Variants in FCHSD2 observed in about 807,000 individuals in gnomAD.
FCHSD2 encodes F-BAR and double SH3 domains protein 2.
In FCHSD2, 38 loss-of-function variants were observed where a neutral mutation model predicts 108.1. The observed-to-expected ratio is 0.35, with a 90% CI of 0.27 to 0.46. The LOEUF is 0.46. FCHSD2 is among the 20% of genes least tolerant of loss of function. FCHSD2 has a pLI of 1.00. For missense variants in FCHSD2, 751 were observed against 897.8 expected (o/e 0.84, Z 2.09); for synonymous variants, 279 against 314.7 (o/e 0.89, Z 1.20).
chr11:73,032,589 A>G (rs1858387808), intron 3 of FCHSD2, among the ~76,000 whole-genome samples: 1 of 152,036 alleles, frequency 6.6e-6, no homozygotes, highest in Non-Finnish European at 1.5e-5. Flanking sequence ...CTAACTGAAA[A>G]AAAAAAAGCA....
chr11:73,071,998 T>C (rs1859448536), intron 3 of FCHSD2, among the ~76,000 whole-genome samples: 1 of 152,006 alleles, frequency 6.6e-6, no homozygotes, highest in South Asian at 2.1e-4. Flanking sequence ...AAAATCTTAT[T>C]TTTTGATCAG....
intron 12 of FCHSD2, among the ~76,000 whole-genome samples, chr11:72,878,077 G>C (rs1265811796): frequency 6.6e-6 from 1 of 151,826 alleles, no homozygotes; most frequent in Non-Finnish European, 1.5e-5. Context: ...AAGGCAAAAA[G>C]AACATAAATA....
intron 5 of FCHSD2, among the ~76,000 whole-genome samples, chr11:72,994,478 G>T (rs1857483803): frequency 3.9e-5 from 6 of 152,116 alleles, no homozygotes; most frequent in Admixed American, 3.9e-4. Context: ...AATTTACTCT[G>T]AGTCACACGG....
At chr11:72,864,412 G>C (rs1232368224) in intron 13 of FCHSD2, among the ~76,000 whole-genome samples, 3 of 152,052 alleles carry the variant, frequency 2.0e-5, no homozygotes, top group African/African-American at 7.2e-5. Context: ...GGGCATGGGG[G>C]CATGAGCCTG....
chr11:73,077,881 G>T (rs1181628013), intron 3 of FCHSD2, among the ~76,000 whole-genome samples: 1 of 152,192 alleles, frequency 6.6e-6, no homozygotes, highest in African/African-American at 2.4e-5. Flanking sequence ...ATTATAAATT[G>T]TGTGGCTTAT....
intron 2 of FCHSD2, among the ~76,000 whole-genome samples, chr11:73,088,765 T>A (rs1490903737): frequency 6.6e-6 from 1 of 152,184 alleles, no homozygotes; most frequent in Admixed American, 6.6e-5. Flanking sequence ...CTAACTAAAA[T>A]GAACTAGTTC....
intron 4 of FCHSD2, among the ~76,000 whole-genome samples, chr11:73,011,264 T>C (rs1437784913): frequency 1.3e-5 from 2 of 152,140 alleles, no homozygotes; most frequent in Admixed American, 6.5e-5. Flanking sequence ...CCTAGGCCAC[T>C]GGCAGAATGC....
chr11:73,016,363 A>G (rs966861684), intron 3 of FCHSD2, among the ~76,000 whole-genome samples: 2 of 152,074 alleles, frequency 1.3e-5, no homozygotes, highest in South Asian at 4.1e-4. Flanking sequence ...CAAACAAAAA[A>G]CAATGATAAA....
intron 2 of FCHSD2, among the ~76,000 whole-genome samples, chr11:73,090,316 T>C (rs958678071): frequency 3.4e-5 from 5 of 146,162 alleles, no homozygotes; most frequent in Non-Finnish European, 7.5e-5. Context: ...AGCTCCACCT[T>C]CCGGGTTCAC....
intron 2 of FCHSD2, among the ~76,000 whole-genome samples, chr11:73,105,531 C>T (rs1860322960): frequency 6.6e-6 from 1 of 152,126 alleles, no homozygotes; most frequent in African/African-American, 2.4e-5. Context: ...CTTTCTAATC[C>T]TAACATTGGA....
intron 19 of FCHSD2, 83 bp downstream of exon 19, chr11:72,840,794 A>T (rs775353860): frequency 2.2e-4 from 222 of 1,006,236 alleles, no homozygotes; most frequent in Non-Finnish European, 3.2e-4. Context: ...GTAACAACAC[A>T]GGGGCCACGG....
rs1440068162 is a variant in FCHSD2 at position 72,959,861 on chromosome 11, T to TGTGTGTGC, written c.705+24226_705+24227insGCACACAC. 4.0e-5 allele frequency among the ~76,000 whole-genome samples: 6 copies of TGTGTGTGC among 151,190 alleles called. No individual in the cohort carries two copies. In the South Asian group the frequency reaches 6.3e-4, roughly 16 times the overall value. ...TGATTTTAAGTTTCTAGGGTGTGTGTGTGTGTGTGTGTGTGTGTGTGTGTA... is the reference window on the plus strand; with the variant it reads ...TGATTTTAAGTTTCTAGGGTGTGTGTGTGTGTGCGTGTGTGTGTGTGTGTGTGTGTGTA... On this transcript the variant is annotated intron_variant, in intron 8 of 19. Transcript: ENST00000409418.
intron 8 of FCHSD2, among the ~76,000 whole-genome samples, chr11:72,978,174 G>A (rs556366629): frequency 6.6e-6 from 1 of 152,132 alleles, no homozygotes; most frequent in South Asian, 2.1e-4. Flanking sequence ...GGTGGGGGGA[G>A]CGGGGAGGGA....
intron 3 of FCHSD2, among the ~76,000 whole-genome samples, chr11:73,080,945 T>G (rs1226147095): frequency 2.6e-5 from 4 of 151,008 alleles, no homozygotes; most frequent in East Asian, 1.9e-4. Flanking sequence ...CAAGACTCTG[T>G]CTCAAAAAAA....
chr11:72,846,621 G>C (rs1388552480), intron 14 of FCHSD2, among the ~76,000 whole-genome samples: 2 of 152,144 alleles, frequency 1.3e-5, no homozygotes. Flanking sequence ...TAAAGACAGT[G>C]AGCAGTAAAT....
Position 73,116,961 on chromosome 11 carries a change from C to G in FCHSD2, c.119+23070G>C, listed in dbSNP as rs1860619212. Among the ~76,000 whole-genome samples the G allele has an allele frequency of 1.3e-5, 2 of 151,496 alleles. 1 individual carries two copies. Among genetic ancestry groups the G allele is most frequent in the South Asian group, 4.2e-4 (2 of 4,810 alleles). On this transcript the variant is annotated intron_variant, in intron 2 of 19. Transcript: ENST00000409418. ...CTTTCCATTTTTCCCCAAAAAAAATCACTATTGTTATATCTCTGTTTCATT... is the reference window on the plus strand; with the variant it reads ...CTTTCCATTTTTCCCCAAAAAAAATGACTATTGTTATATCTCTGTTTCATT...
intron 2 of FCHSD2, among the ~76,000 whole-genome samples, chr11:73,099,315 G>A (rs1341282787): frequency 2.0e-5 from 3 of 152,170 alleles, no homozygotes; most frequent in Non-Finnish European, 4.4e-5. Flanking sequence ...CATTGGCCAG[G>A]ATGTGAAGAA....
intron 12 of FCHSD2, among the ~76,000 whole-genome samples, chr11:72,879,121 CAAAACAAA>C (rs891268304): frequency 2.0e-5 from 3 of 151,336 alleles, no homozygotes; most frequent in African/African-American, 7.3e-5. Context: ...AAAAACAAAA[CAAAACAAA>C]AAAACAAAAA....
At chr11:72,885,042 A>G (rs936986299) in intron 12 of FCHSD2, among the ~76,000 whole-genome samples, 5 of 152,242 alleles carry the variant, frequency 3.3e-5, no homozygotes, top group Admixed American at 3.3e-4. Context: ...ACTGCAAATG[A>G]TATACAGGCA....
Sources: gnomAD v4.1 joint callset for allele counts (sites outside exome capture counted in the v4.1 genomes callset) on GRCh38, gnomAD v4.1.1 for gene constraint, MANE v1.5 for transcripts, NCBI Gene and HGNC (gene_info 2026-07-23, HGNC 2026-07-21) for gene names.